Variants in PCDHGB5 observed in about 807,000 individuals in gnomAD.
PCDHGB5 encodes protocadherin gamma-B5.
PCDHGB5 carries 48 observed loss-of-function variants against 62.9 expected under a neutral mutation model. The observed-to-expected ratio is 0.76, with a 90% CI of 0.61 to 0.97. The LOEUF (loss-of-function observed/expected upper bound fraction) is 0.97, where lower values mean the gene tolerates loss of function less well. PCDHGB5 is among the 50% of genes least tolerant of loss of function. The pLI, the probability that PCDHGB5 is intolerant of heterozygous loss-of-function variation, is 0.00. For missense variants in PCDHGB5, 1,118 were observed against 1,198.6 expected (o/e 0.93, Z 0.99); for synonymous variants, 474 against 511.2 (o/e 0.93, Z 0.98).
At position 141,431,159 on chromosome 5, in the gene PCDHGB5, C is replaced by T. The variant is rs1017606383; in HGVS notation, c.2397+30635C>T. Reference sequence around the variant, plus strand: ...CATTAACGACAATGCGCCTTACTTTCGTGAAAGTGAATTAGAAATAAAAAT... The same window carrying T: ...CATTAACGACAATGCGCCTTACTTTTGTGAAAGTGAATTAGAAATAAAAAT... On this transcript the variant is annotated intron_variant, in intron 1 of 3. Transcript: ENST00000617380. The surrounding 1 kb of genome is among the most constrained non-coding windows in gnomAD (Gnocchi z 4.8). 1 of 1,614,158 alleles carries T rather than the reference C, an allele frequency of 6.2e-7. No individual in the cohort carries two copies. The highest frequency in any genetic ancestry group is 1.3e-5 in the African/African-American group (1 of 75,046).
intron 1 of PCDHGB5, among the ~76,000 whole-genome samples, chr5:141,447,631 A>G (rs59518107): frequency 0.11 from 16,809 of 152,214 alleles, 1,093 homozygotes; most frequent in African/African-American, 0.17. Flanking sequence ...AACCAACAGT[A>G]TGAATGATGG....
At chr5:141,403,838 GA>G (rs751575888) in intron 1 of PCDHGB5, 1 of 1,613,592 alleles carries the variant, frequency 6.2e-7, no homozygotes, top group African/African-American at 1.3e-5. Context: ...CCAGCTTAAT[GA>G]AAATACTGGG....
At chr5:141,473,212 C>G (rs1311953997) in intron 1 of PCDHGB5, among the ~76,000 whole-genome samples, 1 of 152,012 alleles carries the variant, frequency 6.6e-6, no homozygotes, top group Non-Finnish European at 1.5e-5. Flanking sequence ...AAAATGCTTA[C>G]TTCCAGGGAG....
intron 1 of PCDHGB5, among the ~76,000 whole-genome samples, chr5:141,438,223 CA>C: frequency 6.6e-6 from 1 of 151,912 alleles, no homozygotes; most frequent in Non-Finnish European, 1.5e-5. Context: ...GGCTCTGGTT[CA>C]GGAAAATGTT....
chr5:141,479,845 A>T (rs895639749), intron 1 of PCDHGB5, among the ~76,000 whole-genome samples: 4 of 152,210 alleles, frequency 2.6e-5, no homozygotes, highest in Admixed American at 1.3e-4. Flanking sequence ...ATGCAAGGTG[A>T]CTGCAAGGCC....
chr5:141,495,878 T>C (rs2099764378), intron 2 of PCDHGB5, among the ~76,000 whole-genome samples: 1 of 152,184 alleles, frequency 6.6e-6, no homozygotes, highest in African/African-American at 2.4e-5. Context: ...TTCCTCTCTG[T>C]TCTTTGTCTC....
At chr5:141,430,384 A>G (rs547268242) in intron 1 of PCDHGB5, among the ~76,000 whole-genome samples, 32 of 122,116 alleles carry the variant, frequency 2.6e-4, no homozygotes, top group East Asian at 6.6e-4. Context: ...GCTCATTGGG[A>G]AAAAAAAAAA....
intron 2 of PCDHGB5, among the ~76,000 whole-genome samples, chr5:141,501,476 A>T (rs1274017343): frequency 3.3e-5 from 5 of 152,044 alleles, no homozygotes; most frequent in Admixed American, 3.3e-4. Context: ...ATCCTGGAAG[A>T]GTCCCTCATA....
chr5:141,421,574 A>C, intron 1 of PCDHGB5: 1 of 1,613,924 alleles, frequency 6.2e-7, no homozygotes. Flanking sequence ...GACACCTTGA[A>C]GATTTACGGA....
chr5:141,461,230 G>T (rs945407206), intron 1 of PCDHGB5, among the ~76,000 whole-genome samples: 2 of 152,024 alleles, frequency 1.3e-5, no homozygotes, highest in African/African-American at 4.8e-5. Flanking sequence ...TTCCATAGAG[G>T]TTGTACTAAT....
At chr5:141,407,708 G>C (rs2094972839) in intron 1 of PCDHGB5, among the ~76,000 whole-genome samples, 1 of 152,106 alleles carries the variant, frequency 6.6e-6, no homozygotes, top group African/African-American at 2.4e-5. Flanking sequence ...TGAAGGTGGG[G>C]TGATGGCTAT....
At position 141,486,679 on chromosome 5, in the gene PCDHGB5, A is replaced by G. The variant is rs1416879364; in HGVS notation, c.2398-8128A>G. The G allele has an allele frequency of 6.2e-7, 1 of 1,614,092 alleles. No individual in the cohort carries two copies. The highest frequency in any genetic ancestry group is 1.7e-5 in the Admixed American group (1 of 60,026). On this transcript the variant is annotated intron_variant, in intron 1 of 3. Coordinates refer to ENST00000617380, the MANE Select transcript of PCDHGB5 (RefSeq NM_018925.3). The surrounding 1 kb of genome is among the most constrained non-coding windows in gnomAD (Gnocchi z 5.0). Reference sequence around the variant, plus strand: ...TCCTGGAGCCCAGGAATCGAGATGTATCAGCTTCCTCTTTCATCTCTCTGA... The same window carrying G: ...TCCTGGAGCCCAGGAATCGAGATGTGTCAGCTTCCTCTTTCATCTCTCTGA...
Position 141,512,270 on chromosome 5 carries a change from G to C in PCDHGB5, c.*1097G>C, listed in dbSNP as rs1188941232. On this transcript the variant is annotated 3_prime_UTR_variant, in exon 4 of 4. Transcript: ENST00000617380. ...TCTGTGGGTGCTGGGTACTCCAGAG[G>C]TGCCACTGGTGGAAGGGTCAGCGGA... 6.5e-6 allele frequency: 1 copy of C among 152,714 alleles called. No homozygotes were observed. The highest frequency in any genetic ancestry group is 2.4e-5 in the African/African-American group (1 of 41,452). The allele number at this position is 152,714 out of a possible 1,614,324, so 9.5% of individuals were successfully genotyped here. A position where few individuals can be genotyped will look rare whatever the true frequency, so the allele number is the denominator to read the frequency against.
chr5:141,489,283 G>A lies in PCDHGB5; in HGVS notation c.2398-5524G>A. The A allele has an allele frequency of 6.4e-7, 1 of 1,569,594 alleles. No homozygotes were observed. Among genetic ancestry groups the A allele is most frequent in the Admixed American group, 1.8e-5 (1 of 55,646 alleles). ...CCCACAGCTCGCTGGGAAATGGCAA[G>A]TGCTGTGCATGTTGTCCTTGTGCTG... On this transcript the variant is annotated intron_variant, in intron 1 of 3. Coordinates refer to ENST00000617380, the MANE Select transcript of PCDHGB5 (RefSeq NM_018925.3). This position sits in a 1 kb window ranked among gnomAD's most constrained non-coding sequence, Gnocchi z 4.5.
rs373591066 is a variant in PCDHGB5, at chr5:141,404,487, G to T, written c.2397+3963G>T. 8 of 1,613,840 alleles carry T rather than the reference G, an allele frequency of 5.0e-6. No homozygotes were observed. In the East Asian group the frequency reaches 1.8e-4, roughly 36 times the overall value. The stretch of plus-strand genomic sequence containing the variant: ...TATGTCTCTATTAACTCAGACACTG[G>T]TGTGCTGTATGCTCTGTGCTCCTTT... On this transcript the variant is annotated intron_variant, in intron 1 of 3. Transcript: ENST00000617380.
chr5:141,419,831 G>A, intron 1 of PCDHGB5: 5 of 1,614,048 alleles, frequency 3.1e-6, no homozygotes, highest in Non-Finnish European at 4.2e-6. Context: ...TTCAGCCACT[G>A]CCACGCTGCA....
chr5:141,423,759 G>GGC, intron 1 of PCDHGB5: 9 of 321,042 alleles, frequency 2.8e-5, no homozygotes, highest in Non-Finnish European at 3.6e-5. Context: ...TTGGGGGGGG[G>GGC]GTGGGGCGGC....
At chr5:141,419,972 C>T (rs534128024) in intron 1 of PCDHGB5, 3 of 1,613,948 alleles carry the variant, frequency 1.9e-6, no homozygotes, top group South Asian at 1.1e-5. Flanking sequence ...GCTCTTTCTC[C>T]TCGCGGTGAT....
At position 141,491,084 on chromosome 5, in the gene PCDHGB5, C is replaced by T; in HGVS notation, c.2398-3723C>T. On this transcript the variant is annotated intron_variant, in intron 1 of 3. Transcript: ENST00000617380. This position sits in a 1 kb window ranked among gnomAD's most constrained non-coding sequence, Gnocchi z 6.9. ...TACTCACTGTTGCCACAGTCCACAGCCCCAGGACTGTTCCTCGTGTCTACA... is the reference window on the plus strand; with the variant it reads ...TACTCACTGTTGCCACAGTCCACAGTCCCAGGACTGTTCCTCGTGTCTACA... The T allele has an allele frequency of 6.2e-7, 1 of 1,614,106 alleles. No homozygotes were observed. The highest frequency in any genetic ancestry group is 1.1e-5 in the South Asian group (1 of 91,082).
Sources: allele counts gnomAD v4.1 joint callset (sites outside exome capture counted in the v4.1 genomes callset), GRCh38; gene constraint gnomAD v4.1.1; non-coding constraint Gnocchi (gnomAD v3.1); transcripts MANE v1.5; gene names NCBI Gene and HGNC (gene_info 2026-07-23, HGNC 2026-07-21).